Variants in SNRPN observed in about 807,000 individuals in gnomAD.
SNRPN encodes the protein small nuclear ribonucleoprotein-associated protein N.
Under a neutral mutation model 25.2 loss-of-function variants are expected in SNRPN, and 7 were observed. The ratio of observed to expected loss-of-function variants is 0.28; its 90% CI spans 0.16 to 0.52. SNRPN has a LOEUF of 0.52. SNRPN is among the 20% of genes least tolerant of loss of function. SNRPN has a pLI of 0.96. For missense variants in SNRPN, 196 were observed against 322.5 expected, an observed-to-expected ratio of 0.61 and a Z score of 3.00; for synonymous variants, 124 against 110.6, an observed-to-expected ratio of 1.12 and a Z score of -0.76.
chr15:24,871,830 A>G (rs1009136368), intron 1 of SNRPN, among the ~76,000 whole-genome samples: 12 of 126,580 alleles, frequency 9.5e-5, no homozygotes, highest in Non-Finnish European at 1.6e-4. Flanking sequence ...TCAGCCTCCC[A>G]AGCAGCTGGG....
At chr15:24,931,088 CT>C (rs1192954607) in intron 3 of SNRPN, among the ~76,000 whole-genome samples, 1 of 151,908 alleles carries the variant, frequency 6.6e-6, no homozygotes, top group Non-Finnish European at 1.5e-5. Flanking sequence ...TTCTATAAAA[CT>C]TTTTTCTAGT....
intron 3 of SNRPN, among the ~76,000 whole-genome samples, chr15:24,947,919 G>T (rs1418699917): frequency 6.6e-6 from 1 of 151,406 alleles, no homozygotes; most frequent in Non-Finnish European, 1.5e-5. Context: ...TTTTTATATT[G>T]ATACCTCCCA....
chr15:24,946,637 T>G (rs1254762558), intron 3 of SNRPN, among the ~76,000 whole-genome samples: 1 of 152,096 alleles, frequency 6.6e-6, no homozygotes, highest in African/African-American at 2.4e-5. Context: ...GCCCAGCTAA[T>G]TTTTGTATTT....
intron 2 of SNRPN, among the ~76,000 whole-genome samples, chr15:24,887,036 G>A (rs1375507584): frequency 6.6e-6 from 1 of 151,932 alleles, no homozygotes; most frequent in Admixed American, 6.6e-5. Context: ...AAAGCACTTG[G>A]CATAGTTACT....
At chr15:24,881,317 G>A (rs2056568497) in intron 1 of SNRPN, among the ~76,000 whole-genome samples, 1 of 151,510 alleles carries the variant, frequency 6.6e-6, no homozygotes, top group Non-Finnish European at 1.5e-5. Context: ...GAGGTCAGGA[G>A]TTCGAGACCA....
Position 24,978,592 on chromosome 15 carries a change from T to C in SNRPN, c.*148T>C. On this transcript the variant is annotated 3_prime_UTR_variant, in exon 10 of 10. Coordinates refer to ENST00000390687, the MANE Select transcript of SNRPN (RefSeq NM_003097.6). ...GAGCAATTAAACTGTGAGGTACTGT[T>C]GTATATATTTTTTTGCCTGTTGATT... The C allele has an allele frequency of 1.3e-6, 1 of 763,796 alleles. No individual in the cohort carries two copies. The highest frequency in any genetic ancestry group is 2.3e-5 in the Admixed American group (1 of 43,102). The allele number at this position is 763,796 out of a possible 1,614,324, so 47.3% of individuals were successfully genotyped here. A position where few individuals can be genotyped will look rare whatever the true frequency, so the allele number is the denominator to read the frequency against.
rs999455566 is a variant in SNRPN at position 24,962,020 on chromosome 15, T to A, written c.-390-94T>A. 2.9e-6 allele frequency: 3 copies of A among 1,045,022 alleles called. No individual in the cohort carries two copies. The African/African-American group carries it at 4.8e-5, about 17-fold the overall frequency. 64.7% of individuals were successfully genotyped at this position (1,045,022 alleles called of 1,614,324 possible). A position where few individuals can be genotyped will look rare whatever the true frequency, so the allele number is the denominator to read the frequency against. The stretch of plus-strand genomic sequence containing the variant: ...GTTTTAATTAGATTTAAAAATCCAT[T>A]ATATTAAATGTAGTTCTAAATATAA... On this transcript the variant is annotated intron_variant, in intron 1 of 9. Transcript: ENST00000390687.
chr15:24,871,071 T>C (rs966325467), intron 1 of SNRPN, among the ~76,000 whole-genome samples: 9 of 151,880 alleles, frequency 5.9e-5, no homozygotes, highest in Admixed American at 5.9e-4. Context: ...TTAGCAGAGA[T>C]GGGGTTTCAC....
chr15:24,917,764 C>T (rs540388247), intron 2 of SNRPN, among the ~76,000 whole-genome samples: 8 of 152,336 alleles, frequency 5.3e-5, no homozygotes, highest in South Asian at 2.1e-4. Flanking sequence ...CATGTTCTCT[C>T]GTTTTTATGT....
intron 3 of SNRPN, among the ~76,000 whole-genome samples, chr15:24,938,130 A>G (rs1302899444): frequency 1.9e-5 from 2 of 104,142 alleles, no homozygotes; most frequent in African/African-American, 7.4e-5. Context: ...TTTTTTTTTG[A>G]GCTGGAGCCT....
chr15:24,891,898 A>G (rs2057710911), intron 2 of SNRPN, among the ~76,000 whole-genome samples: 1 of 152,226 alleles, frequency 6.6e-6, no homozygotes, highest in Non-Finnish European at 1.5e-5. Context: ...AACACATAGT[A>G]ATACAAAGTC....
At chr15:24,832,997 C>T (rs551194252) in intron 2 of SNRPN, among the ~76,000 whole-genome samples, 53 of 146,760 alleles carry the variant, frequency 3.6e-4, no homozygotes, top group African/African-American at 1.3e-3. Flanking sequence ...CCCAGCTACT[C>T]GGGAGGCTGA....
At chr15:24,942,676 C>G (rs2061626954) in intron 3 of SNRPN, among the ~76,000 whole-genome samples, 1 of 152,196 alleles carries the variant, frequency 6.6e-6, no homozygotes, top group African/African-American at 2.4e-5. Flanking sequence ...GGACAAAACA[C>G]TGGCCCTTCC....
intron 1 of SNRPN, among the ~76,000 whole-genome samples, chr15:24,827,957 T>C (rs1432819556): frequency 1.3e-5 from 2 of 152,048 alleles, no homozygotes; most frequent in Non-Finnish European, 2.9e-5. Context: ...ATTGCAATCT[T>C]ATGGGACCAG....
intron 2 of SNRPN, among the ~76,000 whole-genome samples, chr15:24,913,683 A>T (rs2059357743): frequency 6.6e-6 from 1 of 152,188 alleles, no homozygotes; most frequent in Non-Finnish European, 1.5e-5. Context: ...AAAACAAAGA[A>T]AAAGAGTGTA....
intron 2 of SNRPN, chr15:24,908,987 C>G: frequency 4.3e-6 from 6 of 1,409,424 alleles, no homozygotes; most frequent in Non-Finnish European, 6.0e-6. Flanking sequence ...TTGAGCTACC[C>G]AATCCTTCTT....
At chr15:24,899,215 C>T (rs11853680) in intron 2 of SNRPN, among the ~76,000 whole-genome samples, 33,182 of 152,044 alleles carry the variant, frequency 0.22, 4,848 homozygotes, top group East Asian at 0.45. Context: ...CAAACATCAA[C>T]GGAAAAATCA....
chr15:24,867,756 T>A (rs2054719785), intron 1 of SNRPN, among the ~76,000 whole-genome samples: 1 of 152,106 alleles, frequency 6.6e-6, no homozygotes, highest in South Asian at 2.1e-4. Context: ...TCATTGGTGG[T>A]TTTGAGCCAT....
intron 1 of SNRPN, among the ~76,000 whole-genome samples, chr15:24,824,900 G>T (rs903485766): frequency 3.3e-5 from 5 of 152,064 alleles, no homozygotes; most frequent in African/African-American, 1.2e-4. Flanking sequence ...TTGTGCAAAT[G>T]CCAACAGGAT....
Sources: allele counts gnomAD v4.1 joint callset (sites outside exome capture counted in the v4.1 genomes callset), GRCh38; gene constraint gnomAD v4.1.1; transcripts MANE v1.5; gene names NCBI Gene and HGNC (gene_info 2026-07-23, HGNC 2026-07-21).